GPM6B: variants seen among roughly 807,000 people sequenced by gnomAD.
GPM6B encodes the protein neuronal membrane glycoprotein M6-b.
Under a neutral mutation model 27.2 loss-of-function variants are expected in GPM6B, and 4 were observed. That is an observed-to-expected ratio of 0.15 (90% confidence interval 0.07 to 0.34). The LOEUF (loss-of-function observed/expected upper bound fraction) is 0.34, where lower values mean the gene tolerates loss of function less well. Ranked by LOEUF, GPM6B falls within the 10% of genes least tolerant of loss-of-function variation. GPM6B has a pLI of 1.00. For missense variants in GPM6B, 183 were observed against 261.9 expected, an observed-to-expected ratio of 0.70 and a Z score of 2.08; for synonymous variants, 124 against 103.1, an observed-to-expected ratio of 1.20 and a Z score of -1.23.
chrX:13,931,405 G>A (rs1005504701), intron 1 of GPM6B, among the ~76,000 whole-genome samples: 3 of 106,624 alleles, frequency 2.8e-5, no homozygotes, highest in African/African-American at 6.9e-5. Flanking sequence ...AGAGAATGGC[G>A]TGAACCCAGG....
intron 1 of GPM6B, among the ~76,000 whole-genome samples, chrX:13,850,040 C>A (rs1469546081): frequency 8.9e-6 from 1 of 111,794 alleles, no homozygotes; most frequent in Non-Finnish European, 1.9e-5. Flanking sequence ...GCCTGGGTGA[C>A]AGAGCAAGAC....
chrX:13,837,289 A>G (rs946686082), intron 1 of GPM6B, among the ~76,000 whole-genome samples: 1 of 111,956 alleles, frequency 8.9e-6, no homozygotes, highest in Non-Finnish European at 1.9e-5. Flanking sequence ...GTTACGACTT[A>G]TCTAGGAGGT....
intron 2 of GPM6B, among the ~76,000 whole-genome samples, chrX:13,803,364 A>G (rs907863788): frequency 9.1e-6 from 1 of 110,036 alleles, no homozygotes; most frequent in Non-Finnish European, 1.9e-5. Flanking sequence ...AAATCACAAC[A>G]CTTGGGCTTC....
Position 13,833,817 on chromosome X carries a change from G to A in GPM6B, c.-197-48009C>T, listed in dbSNP as rs189348949. Among the ~76,000 whole-genome samples the A allele has an allele frequency of 9.8e-5, 11 of 112,612 alleles. No homozygotes were observed. The East Asian group carries it at 3.1e-3, about 31-fold the overall frequency. ...ATACACTCAAGTGGAATCAGAACGG[G>A]CTAACGTGCTTTCTAAGTGGTAACT... On this transcript the variant is annotated intron_variant, in intron 1 of 6. Coordinates refer to the GPM6B transcript ENST00000398361.
chrX:13,874,543 C>A (rs779857480), intron 1 of GPM6B, among the ~76,000 whole-genome samples: 202 of 82,240 alleles, frequency 2.5e-3, no homozygotes, highest in Middle Eastern at 6.1e-3. Context: ...ACTAAAAATA[C>A]AAAAAAAAAA....
At chrX:13,864,202 C>T (rs1489205355) in intron 1 of GPM6B, among the ~76,000 whole-genome samples, 1 of 112,738 alleles carries the variant, frequency 8.9e-6, no homozygotes, top group African/African-American at 3.2e-5. Context: ...GTCCCTTAAC[C>T]TTCTGCCATC....
At chrX:13,780,896 T>G (rs1373856961) in intron 4 of GPM6B, 2 of 299,717 alleles carry the variant, frequency 6.7e-6, no homozygotes, top group South Asian at 6.1e-5. Flanking sequence ...CCCCTAACTT[T>G]CTGTGCTGCA....
intron 1 of GPM6B, among the ~76,000 whole-genome samples, chrX:13,896,167 CT>C (rs1312097214): frequency 1.0e-5 from 1 of 97,027 alleles, no homozygotes; most frequent in Non-Finnish European, 2.1e-5. Context: ...TCACTGCAGC[CT>C]TTTTTTCTCC....
At chrX:13,886,719 T>TAAAA (rs5901522) in intron 1 of GPM6B, among the ~76,000 whole-genome samples, 631 of 35,062 alleles carry the variant, frequency 0.018, 34 homozygotes, top group African/African-American at 0.024. Flanking sequence ...AAGTCACTAC[T>TAAAA]AAAAAAAAAA....
At chrX:13,926,502 C>A (rs1281657189) in intron 1 of GPM6B, among the ~76,000 whole-genome samples, 1 of 110,652 alleles carries the variant, frequency 9.0e-6, no homozygotes, top group East Asian at 2.8e-4. Context: ...GGGAAAATTT[C>A]TCCTAAGAAA....
intron 1 of GPM6B, among the ~76,000 whole-genome samples, chrX:13,893,502 G>A (rs1026979749): frequency 1.8e-5 from 2 of 111,541 alleles, no homozygotes; most frequent in East Asian, 5.6e-4. Flanking sequence ...TTTATATCAT[G>A]TACAAGCTTA....
chrX:13,830,669 C>A (rs2049428000), intron 1 of GPM6B, among the ~76,000 whole-genome samples: 1 of 112,536 alleles, frequency 8.9e-6, no homozygotes. Context: ...CTTAAACTTG[C>A]ATCTAAAATT....
intron 5 of GPM6B, among the ~76,000 whole-genome samples, chrX:13,777,995 TTTA>T (rs2048444741): frequency 8.9e-6 from 1 of 112,266 alleles, no homozygotes; most frequent in Non-Finnish European, 1.9e-5. Flanking sequence ...TATATTCATT[TTTA>T]TTATGTCTTA....
At chrX:13,775,717 A>C (rs1295656820) in intron 7 of GPM6B, among the ~76,000 whole-genome samples, 1 of 112,451 alleles carries the variant, frequency 8.9e-6, no homozygotes, top group Non-Finnish European at 1.9e-5. Context: ...GTTGCTGAAA[A>C]TGATGTGACC....
intron 5 of GPM6B, among the ~76,000 whole-genome samples, chrX:13,779,481 GAAAAT>G (rs2048475051): frequency 8.9e-6 from 1 of 111,880 alleles, no homozygotes; most frequent in African/African-American, 3.3e-5. Flanking sequence ...TTATAAAACT[GAAAAT>G]AAAGAAAAAA....
At chrX:13,917,523 G>A (rs865842357) in intron 1 of GPM6B, among the ~76,000 whole-genome samples, 2 of 111,986 alleles carry the variant, frequency 1.8e-5, no homozygotes, top group Non-Finnish European at 3.8e-5. Flanking sequence ...AAGTTACCAT[G>A]GGAACAATAA....
chrX:13,823,212 G>C (rs55931820), intron 1 of GPM6B, among the ~76,000 whole-genome samples: 38,523 of 111,452 alleles, frequency 0.35, 5,850 homozygotes, highest in Non-Finnish European at 0.49. Context: ...TGGTGTATAG[G>C]AAAATGCTTA....
chrX:13,790,562 CTGTT>C (rs1229920372), intron 2 of GPM6B, among the ~76,000 whole-genome samples: 4 of 111,705 alleles, frequency 3.6e-5, no homozygotes, highest in African/African-American at 1.3e-4. Context: ...CATCCTGAGT[CTGTT>C]TGAAGTGCCT....
At chrX:13,910,182 A>G (rs902415726) in intron 1 of GPM6B, among the ~76,000 whole-genome samples, 5 of 112,329 alleles carry the variant, frequency 4.5e-5, no homozygotes, top group African/African-American at 1.6e-4. Context: ...TTCAAAAAGT[A>G]TCCTTTCCAT....
Sources: gnomAD v4.1 joint callset for allele counts (sites outside exome capture counted in the v4.1 genomes callset) on GRCh38, gnomAD v4.1.1 for gene constraint, MANE v1.5 for transcripts, NCBI Gene and HGNC (gene_info 2026-07-23, HGNC 2026-07-21) for gene names.